Variants in NRXN3 observed in about 807,000 individuals in gnomAD.
The protein encoded by NRXN3 is neurexin III.
NRXN3 carries 32 observed loss-of-function variants against 137.6 expected under a neutral mutation model. The ratio of observed to expected loss-of-function variants is 0.23; its 90% CI spans 0.18 to 0.31. NRXN3 has a LOEUF of 0.31. NRXN3 is among the 10% of genes least tolerant of loss of function. The probability of loss-of-function intolerance (pLI) is 1.00; values close to 1 mark genes in which losing one functional copy is unlikely to be tolerated. For missense variants in NRXN3, 1,574 were observed against 2,062.5 expected, an observed-to-expected ratio of 0.76 and a Z score of 4.59; for synonymous variants, 798 against 784.5, an observed-to-expected ratio of 1.02 and a Z score of -0.29.
At chr14:78,170,776 T>C (rs1012484381) in intron 1 of NRXN3, 102 bp downstream of exon 1, 6 of 152,260 alleles carry the variant, frequency 3.9e-5, no homozygotes, top group South Asian at 2.1e-4. Flanking sequence ...AAGTTTTCAG[T>C]TGGGAGCAAC....
intron 19 of NRXN3, among the ~76,000 whole-genome samples, chr14:79,745,567 C>T (rs973095161): frequency 6.6e-6 from 1 of 152,162 alleles, no homozygotes; most frequent in Non-Finnish European, 1.5e-5. Context: ...TCTCAATCCA[C>T]AAGACATGAT....
At chr14:79,249,453 T>C (rs539473030) in intron 15 of NRXN3, among the ~76,000 whole-genome samples, 37 of 152,332 alleles carry the variant, frequency 2.4e-4, no homozygotes, top group African/African-American at 8.2e-4. Context: ...TAGCAAGTGC[T>C]GGTGAAACAC....
Position 78,372,402 on chromosome 14 carries a change from G to A in NRXN3, c.757+74542G>A, listed in dbSNP as rs558274146. Among the ~76,000 whole-genome samples, 10 of 151,906 alleles carry A rather than the reference G, an allele frequency of 6.6e-5. No homozygotes were observed. In the East Asian group the frequency reaches 1.9e-3, roughly 30 times the overall value. On this transcript the variant is annotated intron_variant, in intron 4 of 20. Transcript: ENST00000335750. ...TGCCCAGGCTGGAGTGCAGTTCACT[G>A]CAGCCTCTGCCTCCTGGGTTCAAGC... is the stretch of plus-strand genomic sequence containing the variant.
At chr14:78,829,956 C>T (rs1422920815) in intron 10 of NRXN3, among the ~76,000 whole-genome samples, 1 of 152,060 alleles carries the variant, frequency 6.6e-6, no homozygotes, top group Non-Finnish European at 1.5e-5. Context: ...ATGAATGCAA[C>T]AAAATTCTGT....
At chr14:78,945,959 G>A (rs1485610164) in intron 10 of NRXN3, among the ~76,000 whole-genome samples, 2 of 152,198 alleles carry the variant, frequency 1.3e-5, no homozygotes, top group Non-Finnish European at 2.9e-5. Flanking sequence ...TTTCTTGGCT[G>A]TGAAGCACAT....
At chr14:79,754,248 A>G (rs1365103493) in intron 19 of NRXN3, among the ~76,000 whole-genome samples, 3 of 151,990 alleles carry the variant, frequency 2.0e-5, no homozygotes, top group Non-Finnish European at 4.4e-5. Flanking sequence ...AGGCTGAGGC[A>G]TAAGAATCAC....
At chr14:79,415,792 T>C (rs2095488717) in intron 15 of NRXN3, among the ~76,000 whole-genome samples, 1 of 152,064 alleles carries the variant, frequency 6.6e-6, no homozygotes, top group Non-Finnish European at 1.5e-5. Context: ...AAGTGGCCAA[T>C]CACCCTATCC....
chr14:79,336,409 C>G (rs2092263740), intron 15 of NRXN3, among the ~76,000 whole-genome samples: 1 of 152,138 alleles, frequency 6.6e-6, no homozygotes, highest in South Asian at 2.1e-4. Context: ...CAATTGTCCT[C>G]TATAATATCA....
chr14:79,325,662 A>T (rs1418242833), intron 15 of NRXN3, among the ~76,000 whole-genome samples: 28 of 152,184 alleles, frequency 1.8e-4, no homozygotes, highest in Admixed American at 1.8e-3. Flanking sequence ...GCTTGCATGC[A>T]CATGCTTTTT....
chr14:78,507,232 A>G (rs966636366), intron 4 of NRXN3, among the ~76,000 whole-genome samples: 1 of 152,192 alleles, frequency 6.6e-6, no homozygotes, highest in Non-Finnish European at 1.5e-5. Flanking sequence ...TGAAATAATC[A>G]TGCCCATCTT....
chr14:79,148,680 C>T lies in NRXN3; in HGVS notation c.3262+160539C>T, dbSNP rs573020252. Among the ~76,000 whole-genome samples, 7 of 152,226 alleles carry T rather than the reference C, an allele frequency of 4.6e-5. No individual in the cohort carries two copies. The East Asian group carries it at 1.4e-3, about 30-fold the overall frequency. ...CCTTGGATCCTGGGGAAATTAAGGC[C>T]TGCCTAGGCCTCAGTTCTTTCCCTA... is the stretch of plus-strand genomic sequence containing the variant. On this transcript the variant is annotated intron_variant, in intron 15 of 20. Coordinates refer to ENST00000335750, the MANE Select transcript of NRXN3 (RefSeq NM_001330195.2).
chr14:79,425,158 A>G (rs1382597563), intron 15 of NRXN3, among the ~76,000 whole-genome samples: 1 of 152,142 alleles, frequency 6.6e-6, no homozygotes, highest in Non-Finnish European at 1.5e-5. Context: ...CCTATGATCG[A>G]TTGCTATAAA....
In NRXN3 at chr14:79,857,020, C is replaced by G. The variant is rs2099404034; in HGVS notation, c.4094-4322C>G. 2.6e-5 allele frequency among the ~76,000 whole-genome samples: 4 copies of G among 152,266 alleles called. No individual in the cohort carries two copies. In the South Asian group the frequency reaches 6.2e-4, roughly 24 times the overall value. ...GATGGATTACAGGTTTTGTATTACT[C>G]TGCTCATAACCCTTTATGACTTTGG... On this transcript the variant is annotated intron_variant, in intron 20 of 20. Coordinates refer to ENST00000335750, the MANE Select transcript of NRXN3 (RefSeq NM_001330195.2).
chr14:78,342,917 C>G lies in NRXN3; in HGVS notation c.757+45057C>G, dbSNP rs142045768. On this transcript the variant is annotated intron_variant, in intron 4 of 20. Transcript: ENST00000335750. ...TTCATTTCTTTATCTACTCCCCCTG[C>G]CTCCCACTTTTTGCCACAGTCATAA... Among the ~76,000 whole-genome samples, 7 of 152,284 alleles carry G rather than the reference C, an allele frequency of 4.6e-5. No homozygotes were observed. In the East Asian group the frequency reaches 1.2e-3, roughly 25 times the overall value.
chr14:79,207,614 C>T lies in NRXN3; in HGVS notation c.3262+219473C>T, dbSNP rs183135973. ...TGAGCATGTGGCATAAGGGAAATTGCCACCGGAATGTACCCTCTCTACTTC... is the reference window on the plus strand; with the variant it reads ...TGAGCATGTGGCATAAGGGAAATTGTCACCGGAATGTACCCTCTCTACTTC... On this transcript the variant is annotated intron_variant, in intron 15 of 20. Coordinates refer to ENST00000335750, the MANE Select transcript of NRXN3 (RefSeq NM_001330195.2). 2.6e-5 allele frequency among the ~76,000 whole-genome samples: 4 copies of T among 152,246 alleles called. No individual in the cohort carries two copies. In the East Asian group the frequency reaches 7.7e-4, roughly 29 times the overall value.
chr14:78,405,992 C>T (rs1284349909), intron 4 of NRXN3, among the ~76,000 whole-genome samples: 1 of 152,068 alleles, frequency 6.6e-6, no homozygotes, highest in Non-Finnish European at 1.5e-5. Flanking sequence ...ATGCACCATG[C>T]CTAACATTGC....
intron 15 of NRXN3, among the ~76,000 whole-genome samples, chr14:79,237,858 C>A (rs1407423387): frequency 1.3e-5 from 2 of 152,088 alleles, no homozygotes. Flanking sequence ...GTCCATTAAC[C>A]TCTGAGCATT....
intron 1 of NRXN3, among the ~76,000 whole-genome samples, chr14:78,214,806 T>G (rs1442962989): frequency 6.6e-6 from 1 of 152,146 alleles, no homozygotes; most frequent in East Asian, 1.9e-4. Flanking sequence ...GCGCCAGAGC[T>G]GGGGCTCACA....
In NRXN3 at chr14:78,966,027, A is replaced by G. The variant is rs1460067116; in HGVS notation, c.2398A>G (p.Thr800Ala). ...TACCTCATTTACAATTTTCACAGGTACAATGGTGGGAGACCATACCCGTTT... is the reference window on the plus strand; with the variant it reads ...TACCTCATTTACAATTTTCACAGGTGCAATGGTGGGAGACCATACCCGTTT... The part of the protein sequence containing the change: ...LTVDDDVAEG[T>A]MVGDHTRLEF... Residue 800 changes from threonine (T) to alanine (A), a missense_variant and splice_region_variant, in exon 12 of 21, where the codon ACA becomes GCA. By Grantham distance (58) the Thr-to-Ala change is moderately conservative. This residue lies in a region of NRXN3 where 718 missense variants were observed against 887.6 expected (regional missense o/e 0.81). Transcript: ENST00000335750. The G allele has an allele frequency of 1.9e-6, 3 of 1,613,202 alleles. No homozygotes were observed. In the Admixed American group the frequency reaches 5.0e-5, roughly 27 times the overall value.
Sources: gnomAD v4.1 joint callset for allele counts (sites outside exome capture counted in the v4.1 genomes callset) on GRCh38, gnomAD v4.1.1 for gene constraint, gnomAD v4.1.1 regional missense constraint, MANE v1.5 for transcripts, NCBI Gene and HGNC (gene_info 2026-07-23, HGNC 2026-07-21) for gene names.